SIGLEC15: variants seen among roughly 807,000 people sequenced by gnomAD.
SIGLEC15 encodes sialic acid binding Ig like lectin 15, also known as sialic acid-binding Ig-like lectin 15.
A neutral mutation model predicts 26.2 loss-of-function variants in SIGLEC15; 31 were observed. The observed-to-expected ratio is 1.18, with a 90% CI of 0.89 to 1.60. The LOEUF (loss-of-function observed/expected upper bound fraction) is 1.60. Ranked by LOEUF, SIGLEC15 falls within the 40% of genes most tolerant of loss-of-function variation. SIGLEC15 has a pLI of 0.00. For synonymous variants in SIGLEC15, 207 were observed against 221.9 expected (o/e 0.93, Z 0.60); for missense variants, 501 against 488.4 (o/e 1.03, Z -0.24).
intron 3 of SIGLEC15, 130 bp from the exon 4 acceptor site, chr18:45,838,588 G>A (rs1272445180): frequency 8.0e-7 from 1 of 1,256,646 alleles, no homozygotes; most frequent in Non-Finnish European, 1.1e-6. Flanking sequence ...ATCTGTATTG[G>A]GACGGGGGCA....
chr18:45,831,259 T>C (rs1182467745), intron 1 of SIGLEC15, among the ~76,000 whole-genome samples: 3 of 152,236 alleles, frequency 2.0e-5, no homozygotes. Flanking sequence ...CTGGGTTCAC[T>C]CCTTCTCCAA....
intron 1 of SIGLEC15, among the ~76,000 whole-genome samples, chr18:45,833,334 T>A (rs1429090445): frequency 6.6e-6 from 1 of 152,252 alleles, no homozygotes; most frequent in East Asian, 1.9e-4. Flanking sequence ...TATTATTATT[T>A]GAGGCAGAGT....
At chr18:45,830,557 T>A (rs964572380) in intron 1 of SIGLEC15, among the ~76,000 whole-genome samples, 1 of 151,952 alleles carries the variant, frequency 6.6e-6, no homozygotes, top group Non-Finnish European at 1.5e-5. Flanking sequence ...AGTCCTTTGA[T>A]TTATTTTAGC....
intron 2 of SIGLEC15, 33 bp from the exon 3 acceptor site, chr18:45,837,480 C>T (rs2048284856): frequency 2.1e-6 from 3 of 1,447,070 alleles, no homozygotes; most frequent in African/African-American, 1.5e-5. Context: ...GACCCCAGGG[C>T]CCCGAGCCTG....
At chr18:45,829,346 T>C (rs768991999) in intron 1 of SIGLEC15, among the ~76,000 whole-genome samples, 2 of 152,178 alleles carry the variant, frequency 1.3e-5, no homozygotes, top group Non-Finnish European at 2.9e-5. Flanking sequence ...GTGCTGACAG[T>C]TGGAATTTCT....
At chr18:45,836,262 T>C (rs2048275379) in intron 1 of SIGLEC15, among the ~76,000 whole-genome samples, 1 of 152,154 alleles carries the variant, frequency 6.6e-6, no homozygotes. Context: ...TTTAATAATA[T>C]CTGCCCTGCC....
chr18:45,830,844 C>G (rs1026189748), intron 1 of SIGLEC15, among the ~76,000 whole-genome samples: 2 of 151,476 alleles, frequency 1.3e-5, no homozygotes, highest in Admixed American at 1.3e-4. Context: ...GTGATCTGCC[C>G]GCCTCAGCCT....
At chr18:45,825,851 C>T in intron 1 of SIGLEC15, 71 bp downstream of exon 1, 4 of 1,580,626 alleles carry the variant, frequency 2.5e-6, no homozygotes, top group Non-Finnish European at 3.5e-6. Flanking sequence ...TAGGTACAGT[C>T]TCCCCTGGAA....
chr18:45,838,962 G>T lies in SIGLEC15; in HGVS notation c.741G>T (p.Glu247Asp). The stretch of plus-strand genomic sequence containing the variant: ...CCGCCAACAGCCTGGGCCGCTCCGA[G>T]GCCAGCGTCTACCTGTTCCGCTTCC... ...CTAANSLGRSEASVYLFRFHG... is the reference protein window; with the variant it reads ...CTAANSLGRSDASVYLFRFHG... Residue 247 changes from glutamate to aspartate, a missense_variant, in exon 4 of 6, where the codon GAG (glutamate) becomes GAT (aspartate). Glu to Asp is a conservative substitution (Grantham distance 45, BLOSUM62 2). Transcript: ENST00000389474. 6.2e-7 allele frequency: 1 copy of T among 1,604,658 alleles called. No individual in the cohort carries two copies. Among genetic ancestry groups the T allele is most frequent in the Non-Finnish European group, 8.5e-7 (1 of 1,178,462 alleles).
chr18:45,837,827 C>T lies in SIGLEC15; in HGVS notation c.427C>T (p.Arg143Cys). ...ALADDRRYFC[R>C]VEFAGDVHDR... ...GGCTGACGACCGCCGCTACTTCTGC[C>T]GCGTCGAGTTCGCCGGCGACGTCCA... The change falls in exon 3 of 6, where the codon CGC becomes TGC. Residue 143 changes from arginine (R) to cysteine (C), a missense_variant. Transcript: ENST00000389474. The T allele has an allele frequency of 2.0e-6, 3 of 1,535,972 alleles. No individual in the cohort carries two copies. Among genetic ancestry groups the T allele is most frequent in the Non-Finnish European group, 2.6e-6 (3 of 1,151,510 alleles).
chr18:45,829,745 G>A (rs923098390), intron 1 of SIGLEC15, among the ~76,000 whole-genome samples: 4 of 152,130 alleles, frequency 2.6e-5, no homozygotes, highest in African/African-American at 9.7e-5. Flanking sequence ...GCCATGTGGT[G>A]GTGGCAGGGG....
chr18:45,830,146 C>T (rs1195354438), intron 1 of SIGLEC15, among the ~76,000 whole-genome samples: 3 of 152,262 alleles, frequency 2.0e-5, no homozygotes, highest in Non-Finnish European at 2.9e-5. Context: ...CACAGAGGTT[C>T]CCGTGCAAAT....
In SIGLEC15 at chr18:45,825,732, G is replaced by A; in HGVS notation, c.4G>A (p.Glu2Lys). 4.3e-6 allele frequency: 7 copies of A among 1,614,230 alleles called. No homozygotes were observed. The highest frequency in any genetic ancestry group is 5.9e-6 in the Non-Finnish European group (7 of 1,180,028). The change falls in exon 1 of 6, where the codon GAA (glutamate) becomes AAA (lysine). Residue 2 changes from glutamate to lysine, a missense_variant. Glu to Lys is a moderately conservative substitution (Grantham distance 56, BLOSUM62 1). Coordinates refer to ENST00000389474, the MANE Select transcript of SIGLEC15 (RefSeq NM_213602.3). ...GGGGTGTTCAGATGCTCACAGCATG[G>A]AAAAGTCCATCTGGCTGCTGGCCTG... M[E>K]KSIWLLACLA... is the part of the protein sequence containing the mutation.
chr18:45,837,493 G>A lies in SIGLEC15; in HGVS notation c.113-20G>A, dbSNP rs987517742. 1.4e-6 allele frequency: 2 copies of A among 1,462,008 alleles called. No individual in the cohort carries two copies. Among genetic ancestry groups the A allele is most frequent in the South Asian group, 1.4e-5 (1 of 73,314 alleles). 90.6% of individuals were successfully genotyped at this position (1,462,008 alleles called of 1,614,324 possible). A position where few individuals can be genotyped will look rare whatever the true frequency, so the allele number is the denominator to read the frequency against. ...TCGACCCCAGGGCCCCGAGCCTGAC[G>A]CAGCCCGCCCCGCCCTCAGGCTCGC... On this transcript the variant is annotated intron_variant, in intron 2 of 5. Coordinates refer to ENST00000389474, the MANE Select transcript of SIGLEC15 (RefSeq NM_213602.3).
intron 1 of SIGLEC15, among the ~76,000 whole-genome samples, chr18:45,827,927 A>G (rs1270290868): frequency 6.6e-6 from 1 of 152,214 alleles, no homozygotes. Context: ...TTCTCTGTTG[A>G]GATTACTGAG....
chr18:45,829,015 G>A (rs896826478), intron 1 of SIGLEC15: 40 of 868,744 alleles, frequency 4.6e-5, no homozygotes, highest in Non-Finnish European at 4.8e-5. Context: ...GTCCTATCTG[G>A]GGCGGGAAGG....
chr18:45,829,588 C>T (rs1191064065), intron 1 of SIGLEC15, among the ~76,000 whole-genome samples: 1 of 152,124 alleles, frequency 6.6e-6, no homozygotes, highest in African/African-American at 2.4e-5. Context: ...CTCTCCTGGC[C>T]CTCCAGGTGT....
rs1014200144 is a variant in SIGLEC15, at chr18:45,829,070, G to T, written c.52+3290G>T. On this transcript the variant is annotated intron_variant, in intron 1 of 5. Transcript: ENST00000389474. The stretch of plus-strand genomic sequence containing the variant: ...GGATCACTATGGAGGCTGGGCAGGG[G>T]GTGGGGGCACCAGCAGAGACAGGCT... The T allele has an allele frequency of 4.4e-5, 43 of 985,514 alleles. No homozygotes were observed. In the African/African-American group the frequency reaches 6.6e-4, roughly 15 times the overall value. The allele number at this position is 985,514 out of a possible 1,614,324, so 61.0% of individuals were successfully genotyped here. A position where few individuals can be genotyped will look rare whatever the true frequency, so the allele number is the denominator to read the frequency against.
intron 1 of SIGLEC15, among the ~76,000 whole-genome samples, chr18:45,835,827 C>A (rs2048271637): frequency 6.6e-6 from 1 of 152,100 alleles, no homozygotes; most frequent in Non-Finnish European, 1.5e-5. Context: ...CACCTGGAGC[C>A]CCCAGGCTCA....
Sources: allele counts gnomAD v4.1 joint callset (sites outside exome capture counted in the v4.1 genomes callset), GRCh38; gene constraint gnomAD v4.1.1; transcripts MANE v1.5; gene names NCBI Gene and HGNC (gene_info 2026-07-23, HGNC 2026-07-21).